The following GNA14 variants were observed in gnomAD, a reference collection of about 807,000 sequenced individuals.
GNA14 encodes the protein guanine nucleotide-binding protein subunit alpha-14.
Under a neutral mutation model 42.0 loss-of-function variants are expected in GNA14, and 50 were observed. That is an observed-to-expected ratio of 1.19 (90% CI 0.95 to 1.51). The LOEUF (loss-of-function observed/expected upper bound fraction) is 1.51. Ranked by LOEUF, GNA14 falls within the 40% of genes most tolerant of loss-of-function variation. The pLI is 0.00. For synonymous variants in GNA14, 173 were observed against 163.1 expected, an observed-to-expected ratio of 1.06 and a Z score of -0.46; for missense variants, 473 against 446.2, an observed-to-expected ratio of 1.06 and a Z score of -0.54.
chr9:77,447,256 T>G (rs892512107), intron 2 of GNA14, among the ~76,000 whole-genome samples: 1 of 152,170 alleles, frequency 6.6e-6, no homozygotes, highest in Non-Finnish European at 1.5e-5. Context: ...AATGTACAAT[T>G]TCTGTAAAAG....
chr9:77,437,683 A>T (rs546403470), intron 2 of GNA14, among the ~76,000 whole-genome samples: 12 of 152,294 alleles, frequency 7.9e-5, no homozygotes, highest in African/African-American at 2.9e-4. Flanking sequence ...AGAGTCAGTG[A>T]GTAATGCACC....
chr9:77,477,726 CAGA>C (rs943138265), intron 2 of GNA14, among the ~76,000 whole-genome samples: 14 of 152,174 alleles, frequency 9.2e-5, no homozygotes, highest in Middle Eastern at 3.4e-3. Flanking sequence ...CTGTAGAAAA[CAGA>C]AGAAGAATGT....
chr9:77,591,659 C>T lies in GNA14; in HGVS notation c.124+56011G>A, dbSNP rs750037607. Among the ~76,000 whole-genome samples, 89 of 152,290 alleles carry T rather than the reference C, an allele frequency of 5.8e-4. No homozygotes were observed. In the Middle Eastern group the frequency reaches 0.01, roughly 17 times the overall value. ...TAGTATGTCATATGGTAGCATAGTG[C>T]GTGGCTCTCTTTGATCAAACATGTC... On this transcript the variant is annotated intron_variant, in intron 1 of 6. Transcript: ENST00000341700.
chr9:77,447,056 C>T (rs994037542), intron 2 of GNA14, among the ~76,000 whole-genome samples: 2 of 151,810 alleles, frequency 1.3e-5, no homozygotes, highest in African/African-American at 2.4e-5. Flanking sequence ...CTCTGCCTCC[C>T]GGGTTCAAGC....
intron 1 of GNA14, among the ~76,000 whole-genome samples, chr9:77,573,919 G>C (rs1823095384): frequency 6.6e-6 from 1 of 152,050 alleles, no homozygotes; most frequent in African/African-American, 2.4e-5. Flanking sequence ...AGTAACCATT[G>C]TATTATTCAT....
chr9:77,522,320 C>T lies in GNA14; in HGVS notation c.309+6749G>A, dbSNP rs370801202. On this transcript the variant is annotated intron_variant, in intron 2 of 6. Transcript: ENST00000341700. ...CTTCTTCCTCTGCCCCCATCCGCAT[C>T]TCAGAGCTGGAACTCTGGGCATGAG... Among the ~76,000 whole-genome samples, 8 of 152,306 alleles carry T rather than the reference C, an allele frequency of 5.3e-5. No homozygotes were observed. In the South Asian group the frequency reaches 1.7e-3, roughly 32 times the overall value.
At chr9:77,517,585 CTTTTCTTTTTTTT>C (rs1645007665) in intron 2 of GNA14, 2 of 48,810 alleles carry the variant, frequency 4.1e-5, no homozygotes, top group African/African-American at 1.6e-4. Context: ...TATCCTGGTA[CTTTTCTTTTTTTT>C]TTTTTTTTTT....
intron 2 of GNA14, among the ~76,000 whole-genome samples, chr9:77,515,445 C>G (rs2131754088): frequency 6.6e-6 from 1 of 152,324 alleles, no homozygotes; most frequent in African/African-American, 2.4e-5. Flanking sequence ...CGGGCAGCCA[C>G]TGCTGCCAAA....
chr9:77,618,991 AT>A (rs1322067054), intron 1 of GNA14, among the ~76,000 whole-genome samples: 2 of 151,860 alleles, frequency 1.3e-5, no homozygotes, highest in Non-Finnish European at 2.9e-5. Flanking sequence ...TACATATTTC[AT>A]TTTACTTTAT....
intron 2 of GNA14, among the ~76,000 whole-genome samples, chr9:77,497,897 T>C (rs2131740959): frequency 6.6e-6 from 1 of 152,318 alleles, no homozygotes; most frequent in South Asian, 2.1e-4. Context: ...TAGCCAGTAC[T>C]ACCCCATCTT....
intron 1 of GNA14, among the ~76,000 whole-genome samples, chr9:77,569,666 G>A (rs141633816): frequency 6.6e-5 from 10 of 152,260 alleles, no homozygotes; most frequent in African/African-American, 2.2e-4. Context: ...TTTCTCCCCC[G>A]GGTTCAATAT....
chr9:77,636,720 T>TC (rs1283037872), intron 1 of GNA14, among the ~76,000 whole-genome samples: 1 of 152,138 alleles, frequency 6.6e-6, no homozygotes, highest in African/African-American at 2.4e-5. Flanking sequence ...GAGAACTCAC[T>TC]CCCAAGGGAG....
At chr9:77,591,158 G>A (rs775504678) in intron 1 of GNA14, among the ~76,000 whole-genome samples, 9 of 152,146 alleles carry the variant, frequency 5.9e-5, no homozygotes, top group African/African-American at 9.7e-5. Flanking sequence ...CGCTGTTTCC[G>A]AGTAGAATCA....
At chr9:77,488,784 TAAAAAAAAAA>T (rs67416479) in intron 2 of GNA14, among the ~76,000 whole-genome samples, 7 of 53,688 alleles carry the variant, frequency 1.3e-4, no homozygotes, top group East Asian at 1.2e-3. Flanking sequence ...CACACCTAAT[TAAAAAAAAAA>T]AAAAAAAAAA....
intron 2 of GNA14, among the ~76,000 whole-genome samples, chr9:77,523,690 T>A (rs980253856): frequency 4.6e-5 from 7 of 152,206 alleles, no homozygotes; most frequent in Non-Finnish European, 7.3e-5. Flanking sequence ...CCAGTGTAGT[T>A]TGGCGCTCCT....
chr9:77,647,902 A>T lies in GNA14; in HGVS notation c.-109T>A. 1 of 1,320,648 alleles carries T rather than the reference A, an allele frequency of 7.6e-7. No homozygotes were observed. The highest frequency in any genetic ancestry group is 1.0e-6 in the Non-Finnish European group (1 of 973,088). 81.8% of individuals were successfully genotyped at this position (1,320,648 alleles called of 1,614,324 possible). On this transcript the variant is annotated 5_prime_UTR_variant, in exon 1 of 7. Transcript: ENST00000341700. ...CGACGGGCACAGGGGTGTGGAAAGA[A>T]AAGACGGGGGCCGACTTGAGCTTTG... is the stretch of plus-strand genomic sequence containing the variant.
chr9:77,464,363 G>GTATA (rs1257011991), intron 2 of GNA14, among the ~76,000 whole-genome samples: 5 of 148,818 alleles, frequency 3.4e-5, no homozygotes, highest in Admixed American at 2.7e-4. Flanking sequence ...GTGTGTGTGT[G>GTATA]TGTGTGTGTG....
At chr9:77,623,324 G>A (rs775142803) in intron 1 of GNA14, among the ~76,000 whole-genome samples, 2 of 150,306 alleles carry the variant, frequency 1.3e-5, no homozygotes, top group African/African-American at 4.9e-5. Flanking sequence ...ACTTTGGGCT[G>A]TAAGAAAATG....
At chr9:77,486,967 T>G (rs1290678190) in intron 2 of GNA14, among the ~76,000 whole-genome samples, 1 of 149,316 alleles carries the variant, frequency 6.7e-6, no homozygotes. Flanking sequence ...GTTGGAAAAA[T>G]GAACCCAATA....
Sources: allele counts gnomAD v4.1 joint callset (sites outside exome capture counted in the v4.1 genomes callset), GRCh38; gene constraint gnomAD v4.1.1; transcripts MANE v1.5; gene names NCBI Gene and HGNC (gene_info 2026-07-23, HGNC 2026-07-21).